POT1: variants seen among roughly 807,000 people sequenced by gnomAD.
POT1 encodes the protein protection of telomeres protein 1.
Under a neutral mutation model 78.5 loss-of-function variants are expected in POT1, and 47 were observed. The observed-to-expected ratio is 0.60, with a 90% CI of 0.47 to 0.76. The LOEUF is 0.76. Ranked by LOEUF, POT1 falls within the 30% of genes least tolerant of loss-of-function variation. POT1 has a pLI of 0.00. For missense variants in POT1, 646 were observed against 749.9 expected (o/e 0.86, Z 1.62); for synonymous variants, 259 against 260.7 (o/e 0.99, Z 0.06).
rs1486490053 is a variant in POT1, at chr7:124,827,279, C to T, written c.1621G>A (p.Val541Met). The T allele has an allele frequency of 1.9e-6, 3 of 1,597,232 alleles. No individual in the cohort carries two copies. In the African/African-American group the frequency reaches 4.0e-5, roughly 21 times the overall value. The change falls in exon 17 of 19, where the codon GTG becomes ATG. Residue 541 changes from valine (V) to methionine (M), a missense_variant. Val to Met is a conservative substitution (Grantham distance 21). Coordinates refer to ENST00000357628, the MANE Select transcript of POT1 (RefSeq NM_015450.3). ...EALGIVPLQY[V>M]FVMTFTLDDG... ...TCAAGTGTAAAGGTCATAACAAACA[C>T]ATATTGGAGGGGTACAATACCCAGT...
At chr7:124,922,194 T>C (rs1007092648) in intron 2 of POT1, among the ~76,000 whole-genome samples, 1 of 152,008 alleles carries the variant, frequency 6.6e-6, no homozygotes, top group Non-Finnish European at 1.5e-5. Context: ...CATTTTCAAA[T>C]GAATGAAAGC....
At chr7:124,883,710 A>G (rs2116605999) in intron 6 of POT1, among the ~76,000 whole-genome samples, 1 of 152,076 alleles carries the variant, frequency 6.6e-6, no homozygotes, top group African/African-American at 2.4e-5. Context: ...GTATACGTGT[A>G]TGTGTTGTAT....
intron 3 of POT1, among the ~76,000 whole-genome samples, chr7:124,911,204 C>G (rs1796881177): frequency 6.6e-6 from 1 of 152,036 alleles, no homozygotes; most frequent in Non-Finnish European, 1.5e-5. Context: ...ATACAAATAA[C>G]AGTAATGACA....
At chr7:124,836,641 C>G (rs925274686) in intron 14 of POT1, among the ~76,000 whole-genome samples, 1 of 152,146 alleles carries the variant, frequency 6.6e-6, no homozygotes, top group Non-Finnish European at 1.5e-5. Flanking sequence ...TCACACTGGC[C>G]AGTCACACGA....
intron 14 of POT1, among the ~76,000 whole-genome samples, chr7:124,840,341 T>C (rs369715524): frequency 6.6e-6 from 1 of 151,164 alleles, no homozygotes; most frequent in South Asian, 2.1e-4. Context: ...AGAAAAACAA[T>C]GAAAAGGTTT....
At chr7:124,919,012 T>C (rs186064293) in intron 2 of POT1, among the ~76,000 whole-genome samples, 1 of 152,230 alleles carries the variant, frequency 6.6e-6, no homozygotes. Context: ...TTCTGAAAAA[T>C]GTGTTGTCAG....
At chr7:124,829,170 C>T (rs1794700539) in intron 16 of POT1, 84 bp downstream of exon 16, 1 of 925,792 alleles carries the variant, frequency 1.1e-6, no homozygotes, top group Non-Finnish European at 1.8e-6. Flanking sequence ...AACAGGTATA[C>T]TTTCAGGTAT....
chr7:124,900,055 A>G (rs182524851), intron 3 of POT1, among the ~76,000 whole-genome samples: 33 of 152,322 alleles, frequency 2.2e-4, no homozygotes, highest in Admixed American at 2.0e-3. Flanking sequence ...CAGCATGGAA[A>G]TAACAATCAC....
chr7:124,885,699 G>A (rs1375791423), intron 6 of POT1, among the ~76,000 whole-genome samples: 2 of 152,090 alleles, frequency 1.3e-5, no homozygotes, highest in African/African-American at 4.8e-5. Flanking sequence ...CCAGGAGGCG[G>A]AGCTTGCAGT....
chr7:124,829,358 G>T lies in POT1; in HGVS notation c.1506-16C>A. ...CTGTTTACATCTGAAATTTATAAAA[G>T]AAAGAACCATAAATATTTAAAAATA... On this transcript the variant is annotated splice_polypyrimidine_tract_variant and intron_variant, in intron 15 of 18. Coordinates refer to ENST00000357628, the MANE Select transcript of POT1 (RefSeq NM_015450.3). 1 of 1,439,192 alleles carries T rather than the reference G, an allele frequency of 6.9e-7. No homozygotes were observed. 89.2% of individuals were successfully genotyped at this position (1,439,192 alleles called of 1,614,324 possible).
At chr7:124,831,923 C>G (rs1027732070) in intron 15 of POT1, among the ~76,000 whole-genome samples, 2 of 149,642 alleles carry the variant, frequency 1.3e-5, no homozygotes, top group African/African-American at 4.9e-5. Context: ...AAGTAGCTAC[C>G]TCTGAGAAAA....
At chr7:124,837,673 C>T (rs1334520893) in intron 14 of POT1, among the ~76,000 whole-genome samples, 1 of 151,988 alleles carries the variant, frequency 6.6e-6, no homozygotes, top group Non-Finnish European at 1.5e-5. Flanking sequence ...CTATGTATTC[C>T]AGAAAATGGA....
chr7:124,901,302 C>T (rs1446505657), intron 3 of POT1, among the ~76,000 whole-genome samples: 1 of 152,166 alleles, frequency 6.6e-6, no homozygotes, highest in Admixed American at 6.5e-5. Context: ...GACGAAGGTT[C>T]CAGAGGAAGG....
At chr7:124,886,952 T>A (rs1173337794) in intron 6 of POT1, among the ~76,000 whole-genome samples, 1 of 152,280 alleles carries the variant, frequency 6.6e-6, no homozygotes, top group African/African-American at 2.4e-5. Context: ...AAAAACTTTT[T>A]AAATTATATC....
chr7:124,843,150 C>G (rs1795071699), intron 12 of POT1, 187 bp from the exon 13 acceptor site: 2 of 404,770 alleles, frequency 4.9e-6, no homozygotes, highest in South Asian at 1.6e-4. Flanking sequence ...GTGCCAGGCA[C>G]AGTAGGTACT....
At chr7:124,845,825 G>T (rs139828892) in intron 12 of POT1, among the ~76,000 whole-genome samples, 43 of 151,484 alleles carry the variant, frequency 2.8e-4, no homozygotes, top group African/African-American at 9.7e-4. Flanking sequence ...TCATCAACAT[G>T]GGCTCATGCA....
At chr7:124,866,460 C>T (rs1795728092) in intron 7 of POT1, among the ~76,000 whole-genome samples, 1 of 151,920 alleles carries the variant, frequency 6.6e-6, no homozygotes, top group Non-Finnish European at 1.5e-5. Flanking sequence ...AACCACACAG[C>T]AGCTTTTGTA....
chr7:124,829,393 G>C, intron 15 of POT1, 51 bp from the exon 16 acceptor site: 1 of 1,237,030 alleles, frequency 8.1e-7, no homozygotes, highest in Non-Finnish European at 1.1e-6. Flanking sequence ...AATTTAGCTT[G>C]TTTGTTATAA....
intron 7 of POT1, among the ~76,000 whole-genome samples, chr7:124,863,966 T>C (rs1795661332): frequency 6.6e-6 from 1 of 152,070 alleles, no homozygotes; most frequent in Non-Finnish European, 1.5e-5. Context: ...GTGTAATTTA[T>C]ACAAGGAAAA....
Sources: gnomAD v4.1 joint callset for allele counts (sites outside exome capture counted in the v4.1 genomes callset) on GRCh38, gnomAD v4.1.1 for gene constraint, MANE v1.5 for transcripts, NCBI Gene and HGNC (gene_info 2026-07-23, HGNC 2026-07-21) for gene names.